Variants in ANAPC7 observed in about 807,000 individuals in gnomAD.
The protein encoded by ANAPC7 is anaphase-promoting complex subunit 7.
A neutral mutation model predicts 63.3 loss-of-function variants in ANAPC7; 25 were observed. The observed-to-expected ratio is 0.39, with a 90% CI of 0.29 to 0.55. ANAPC7 has a LOEUF of 0.55. Ranked by LOEUF, ANAPC7 falls within the 20% of genes least tolerant of loss-of-function variation. The pLI is 0.57. For missense variants in ANAPC7, 516 were observed against 691.7 expected (o/e 0.75, Z 2.85); for synonymous variants, 241 against 251.7 (o/e 0.96, Z 0.40).
intron 8 of ANAPC7, among the ~76,000 whole-genome samples, chr12:110,378,373 C>T (rs1401552585): frequency 2.0e-5 from 3 of 152,162 alleles, no homozygotes; most frequent in South Asian, 2.1e-4. Context: ...GGATTACAGG[C>T]GTAAGCCACC....
intron 8 of ANAPC7, among the ~76,000 whole-genome samples, chr12:110,380,924 C>A (rs1378744024): frequency 6.6e-6 from 1 of 151,454 alleles, no homozygotes; most frequent in Admixed American, 6.6e-5. Flanking sequence ...GGCAACAAAG[C>A]GAGACTCTGT....
intron 5 of ANAPC7, chr12:110,387,445 CAAAAAA>C: frequency 1.5e-5 from 1 of 65,214 alleles, no homozygotes; most frequent in Non-Finnish European, 2.8e-5. Context: ...GACCTTGTCT[CAAAAAA>C]AAAAAAAAAA....
chr12:110,380,706 G>C (rs554671269), intron 8 of ANAPC7, among the ~76,000 whole-genome samples: 2 of 149,142 alleles, frequency 1.3e-5, no homozygotes, highest in South Asian at 4.2e-4. Context: ...TGTAATCCTA[G>C]CACTTTGGGA....
intron 1 of ANAPC7, among the ~76,000 whole-genome samples, chr12:110,400,659 C>T (rs1375257477): frequency 1.3e-4 from 20 of 152,076 alleles, no homozygotes; most frequent in Admixed American, 1.3e-3. Context: ...GTGAAAGGCT[C>T]CAGCATAAAC....
At chr12:110,395,929 AT>A (rs2137982320) in intron 2 of ANAPC7, among the ~76,000 whole-genome samples, 1 of 152,172 alleles carries the variant, frequency 6.6e-6, no homozygotes, top group East Asian at 1.9e-4. Context: ...ATGAAAGACA[AT>A]TTTTCCACAG....
chr12:110,395,317 T>A, intron 2 of ANAPC7, 97 bp from the exon 3 acceptor site: 4 of 1,243,620 alleles, frequency 3.2e-6, no homozygotes, highest in Non-Finnish European at 4.4e-6. Context: ...ACCCAGCAAT[T>A]CTTTTTTTTT....
chr12:110,375,287 C>A (rs1881160443), intron 10 of ANAPC7, among the ~76,000 whole-genome samples: 1 of 152,160 alleles, frequency 6.6e-6, no homozygotes, highest in Non-Finnish European at 1.5e-5. Context: ...CATGGCATGG[C>A]CAGTCTGCAT....
chr12:110,375,357 C>A, intron 10 of ANAPC7: 1 of 933,880 alleles, frequency 1.1e-6, no homozygotes. Context: ...ATGCTAGGCA[C>A]ACAAGTGGTG....
At chr12:110,400,629 G>C (rs2062214755) in intron 1 of ANAPC7, among the ~76,000 whole-genome samples, 1 of 152,120 alleles carries the variant, frequency 6.6e-6, no homozygotes, top group Non-Finnish European at 1.5e-5. Flanking sequence ...TGTATGCTTT[G>C]GCAAATCACT....
At position 110,396,153 on chromosome 12, in the gene ANAPC7, T is replaced by C; in HGVS notation, c.288+113A>G. 3 of 901,516 alleles carry C rather than the reference T, an allele frequency of 3.3e-6. No homozygotes were observed. The South Asian group carries it at 4.5e-5, about 14-fold the overall frequency. The allele number at this position is 901,516 out of a possible 1,614,324, so 55.8% of individuals were successfully genotyped here. On this transcript the variant is annotated intron_variant, in intron 2 of 10. Coordinates refer to ENST00000455511, the MANE Select transcript of ANAPC7 (RefSeq NM_016238.3). ...CACTAGCCCTCCACCCACCTCCTGC[T>C]GTGCAGCCTGGTTCCTAACAGACCA... is the stretch of plus-strand genomic sequence containing the variant.
At chr12:110,402,903 T>C (rs1374968722) in intron 1 of ANAPC7, among the ~76,000 whole-genome samples, 1 of 151,886 alleles carries the variant, frequency 6.6e-6, no homozygotes, top group Admixed American at 6.6e-5. Flanking sequence ...GCCCGGCTAA[T>C]TGTTTAATTT....
chr12:110,381,907 T>C lies in ANAPC7; in HGVS notation c.977A>G (p.Tyr326Cys), dbSNP rs930175620. 6 of 1,572,616 alleles carry C rather than the reference T, an allele frequency of 3.8e-6. No individual in the cohort carries two copies. The highest frequency in any genetic ancestry group is 1.8e-5 in the Admixed American group (1 of 55,916). Reference sequence around the variant, plus strand: ...CAGCTGAATGGCCTTGGCTCCTAAATAGAGGGCCCGGGAGTAGCGTTTGCT... The same window carrying C: ...CAGCTGAATGGCCTTGGCTCCTAAACAGAGGGCCCGGGAGTAGCGTTTGCT... ...FYSKRYSRAL[Y>C]LGAKAIQLNS... Residue 326 changes from tyrosine to cysteine, a missense_variant, in exon 8 of 11, where the codon TAT becomes TGT. Around this residue, in one of 4 missense-constraint regions of ANAPC7, gnomAD observed 199 missense variants for 249.3 expected, o/e 0.80. Coordinates refer to ENST00000455511, the MANE Select transcript of ANAPC7 (RefSeq NM_016238.3).
At chr12:110,383,894 AAAAAG>A (rs1566265857) in intron 6 of ANAPC7, among the ~76,000 whole-genome samples, 2 of 132,022 alleles carry the variant, frequency 1.5e-5, no homozygotes, top group South Asian at 2.3e-4. Flanking sequence ...AAAAAAAAAA[AAAAAG>A]AAAAAAAAAA....
intron 2 of ANAPC7, among the ~76,000 whole-genome samples, chr12:110,395,731 C>G (rs149357519): frequency 0.15 from 22,492 of 151,952 alleles, 2,352 homozygotes; most frequent in African/African-American, 0.3. Flanking sequence ...GTAGAGACGG[C>G]GTTTCACCGT....
At chr12:110,377,358 A>G (rs1454973247) in intron 9 of ANAPC7, 35 bp downstream of exon 9, 8 of 1,577,794 alleles carry the variant, frequency 5.1e-6, no homozygotes, top group African/African-American at 1.4e-5. Context: ...TATAAAAATT[A>G]ATGATGAACA....
At chr12:110,378,204 C>T in intron 8 of ANAPC7, 1 of 154,306 alleles carries the variant, frequency 6.5e-6, no homozygotes, top group Non-Finnish European at 1.4e-5. Flanking sequence ...AAGCGATTCT[C>T]CTCCCTCAGC....
chr12:110,403,486 G>A (rs1430506868), intron 1 of ANAPC7, 41 bp downstream of exon 1: 1 of 1,544,902 alleles, frequency 6.5e-7, no homozygotes, highest in South Asian at 1.2e-5. Context: ...GACCGCCGCC[G>A]CTTTCTCCTC....
At chr12:110,379,727 T>C (rs1353150443) in intron 8 of ANAPC7, among the ~76,000 whole-genome samples, 2 of 152,226 alleles carry the variant, frequency 1.3e-5, no homozygotes, top group Non-Finnish European at 2.9e-5. Context: ...CTCATCTTCC[T>C]GTTAAGAGCA....
At chr12:110,383,875 CAAAAA>C (rs1159374781) in intron 6 of ANAPC7, among the ~76,000 whole-genome samples, 6 of 50,678 alleles carry the variant, frequency 1.2e-4, no homozygotes, top group East Asian at 6.4e-4. Flanking sequence ...GACTCCGTCT[CAAAAA>C]AAAAAAAAAA....
Sources: allele counts gnomAD v4.1 joint callset (sites outside exome capture counted in the v4.1 genomes callset), GRCh38; gene constraint gnomAD v4.1.1; regional missense constraint gnomAD v4.1.1; transcripts MANE v1.5; gene names NCBI Gene and HGNC (gene_info 2026-07-23, HGNC 2026-07-21).